PRH1: variants seen among roughly 807,000 people sequenced by gnomAD.
PRH1 encodes proline rich protein HaeIII subfamily 1.
Under a neutral mutation model 7.9 loss-of-function variants are expected in PRH1, and 7 were observed. The ratio of observed to expected loss-of-function variants is 0.89; its 90% CI spans 0.50 to 1.67. The LOEUF (loss-of-function observed/expected upper bound fraction) is 1.67, where lower values mean the gene tolerates loss of function less well. PRH1 is among the 40% of genes most tolerant of loss of function. The pLI, the probability that PRH1 is intolerant of heterozygous loss-of-function variation, is 0.00. For synonymous variants in PRH1, 45 were observed against 80.8 expected (o/e 0.56, Z 2.38); for missense variants, 109 against 223.6 (o/e 0.49, Z 3.27).
At chr12:11,051,664 A>G (rs919565128), upstream of PRH1, among the ~76,000 whole-genome samples, 9 of 152,154 alleles carry the variant, frequency 5.9e-5, no homozygotes, top group African/African-American at 1.9e-4. Context: ...TTTTCTTTAT[A>G]CTTTACCAAC....
chr12:11,035,470 T>C (rs553083716), intron 1 of PRH1, among the ~76,000 whole-genome samples: 4 of 152,338 alleles, frequency 2.6e-5, no homozygotes, highest in South Asian at 2.1e-4. Flanking sequence ...TTTTGTCTTA[T>C]TGTTTTAGAA....
At chr12:10,930,795 C>T (rs576933603) in intron 2 of PRH1, 3 of 1,613,390 alleles carry the variant, frequency 1.9e-6, no homozygotes, top group South Asian at 2.2e-5. Flanking sequence ...AACAAGGAGG[C>T]CAGCAGCAAC....
rs1359174903 is a variant in PRH1 at position 11,093,935 on chromosome 12, G to A, written n.124-46747C>T. Reference sequence around the variant, plus strand: ...GAGAAACTATTGAAGTCAGATTGCCGCCACCTGATCCAGACTAAATTGGCA... The same window carrying A: ...GAGAAACTATTGAAGTCAGATTGCCACCACCTGATCCAGACTAAATTGGCA... On this transcript the variant is annotated intron_variant and non_coding_transcript_variant, in intron 1 of 4. Transcript: ENST00000541977. Among the ~76,000 whole-genome samples the A allele has an allele frequency of 1.1e-4, 12 of 113,842 alleles. 3 individuals are homozygous for A. Among genetic ancestry groups the A allele is most frequent in the East Asian group, 4.2e-4 (2 of 4,712 alleles). 74.7% of individuals were successfully genotyped at this position (113,842 alleles called of 152,430 possible).
At chr12:11,105,936 C>CG (rs1945398255) in intron 1 of PRH1, among the ~76,000 whole-genome samples, 1 of 94,964 alleles carries the variant, frequency 1.1e-5, no homozygotes, top group African/African-American at 3.7e-5. Context: ...ATAACTTATT[C>CG]TTTTTTTTTT....
rs35838787 is a variant in PRH1, at chr12:11,036,884, C to A, written c.-126+10136G>T. On this transcript the variant is annotated intron_variant, in intron 1 of 3. Transcript: ENST00000539853. ...GGTGAAAGGGAGAATGCTATTTGAT[C>A]AGTGTGATTTCAGGCTTGTTTCTAA... Among the ~76,000 whole-genome samples the A allele has an allele frequency of 5.3e-5, 8 of 152,250 alleles. No individual in the cohort carries two copies. The East Asian group carries it at 1.4e-3, about 26-fold the overall frequency.
At chr12:11,127,873 G>T (rs548641521) in intron 1 of PRH1, among the ~76,000 whole-genome samples, 1 of 146,718 alleles carries the variant, frequency 6.8e-6, no homozygotes, top group Non-Finnish European at 1.5e-5. Flanking sequence ...TTGGGAGGCC[G>T]AGGCGGGCTG....
At chr12:10,956,034 C>G (rs1937938311) in intron 2 of PRH1, among the ~76,000 whole-genome samples, 1 of 152,032 alleles carries the variant, frequency 6.6e-6, no homozygotes, top group Non-Finnish European at 1.5e-5. Context: ...TCACACTAAA[C>G]CTACTCTAAA....
chr12:10,995,395 G>A (rs1238982020), intron 1 of PRH1, among the ~76,000 whole-genome samples: 2 of 145,096 alleles, frequency 1.4e-5, no homozygotes, highest in Non-Finnish European at 3.1e-5. Context: ...TGTTAAAATT[G>A]CATAACACCA....
chr12:11,133,784 C>G (rs1565689212), intron 1 of PRH1: 1 of 1,614,118 alleles, frequency 6.2e-7, no homozygotes, highest in South Asian at 1.1e-5. Context: ...TTCTTTTGTC[C>G]ATACAGTCTC....
At chr12:11,044,326 GA>G (rs1942831623) in intron 1 of PRH1, among the ~76,000 whole-genome samples, 1 of 152,096 alleles carries the variant, frequency 6.6e-6, no homozygotes, top group Non-Finnish European at 1.5e-5. Context: ...CTCAAACCAT[GA>G]AGCTCCCATA....
chr12:11,083,061 G>A lies in PRH1; in HGVS notation n.124-35873C>T, dbSNP rs1454332096. ...AATATCAAAATATTTTTTCACACAT[G>A]TGTACACATGCATGGTATTAAAATC... On this transcript the variant is annotated intron_variant and non_coding_transcript_variant, in intron 1 of 4. Transcript: ENST00000541977. 6.2e-5 allele frequency among the ~76,000 whole-genome samples: 7 copies of A among 113,224 alleles called. 2 individuals carry two copies. The highest frequency in any genetic ancestry group is 2.0e-4 in the African/African-American group (7 of 34,154). The allele number at this position is 113,224 out of a possible 152,430, so 74.3% of individuals were successfully genotyped here. A position where few individuals can be genotyped will look rare whatever the true frequency, so the allele number is the denominator to read the frequency against.
At chr12:10,923,564 T>G (rs939113645) in intron 2 of PRH1, among the ~76,000 whole-genome samples, 1 of 152,258 alleles carries the variant, frequency 6.6e-6, no homozygotes, top group African/African-American at 2.4e-5. Flanking sequence ...ATTGAATATA[T>G]GCATGTGGAA....
intron 1 of PRH1, among the ~76,000 whole-genome samples, chr12:11,138,913 G>C (rs111586495): frequency 6.6e-6 from 1 of 152,014 alleles, no homozygotes; most frequent in African/African-American, 2.4e-5. Flanking sequence ...GGTGGTGCAC[G>C]CCTGTTGTCC....
intron 1 of PRH1, among the ~76,000 whole-genome samples, chr12:11,160,596 G>C (rs544341598): frequency 6.6e-6 from 1 of 151,970 alleles, no homozygotes; most frequent in African/African-American, 2.4e-5. Flanking sequence ...TCAGCCTCCC[G>C]AGTAGCTGGG....
chr12:11,134,828 A>C (rs770172044), intron 1 of PRH1, among the ~76,000 whole-genome samples: 2 of 152,176 alleles, frequency 1.3e-5, no homozygotes, highest in African/African-American at 4.8e-5. Flanking sequence ...TGAGAACCAC[A>C]GGCAGGCCAA....
intron 1 of PRH1, among the ~76,000 whole-genome samples, chr12:10,990,005 A>G (rs1355891762): frequency 6.6e-6 from 1 of 152,188 alleles, no homozygotes; most frequent in Non-Finnish European, 1.5e-5. Flanking sequence ...CGGATGTCTC[A>G]GAATAGCCAA....
downstream of PRH1, among the ~76,000 whole-genome samples, chr12:11,117,519 C>T (rs926869376): frequency 6.6e-6 from 1 of 152,056 alleles, no homozygotes; most frequent in Non-Finnish European, 1.5e-5. Context: ...AATGCAATTC[C>T]TATCAAAATA....
intron 1 of PRH1, chr12:11,092,292 G>C: frequency 8.9e-7 from 1 of 1,121,982 alleles, no homozygotes; most frequent in Non-Finnish European, 1.3e-6. Context: ...GGTTCCTGCA[G>C]GTGGGTTCGT....
intron 1 of PRH1, chr12:11,134,228 G>A (rs1370151575): frequency 3.1e-6 from 5 of 1,612,712 alleles, no homozygotes; most frequent in Non-Finnish European, 4.2e-6. Flanking sequence ...AAAAATGATG[G>A]GCAGAAAAGT....
Sources: allele counts gnomAD v4.1 joint callset (sites outside exome capture counted in the v4.1 genomes callset), GRCh38; gene constraint gnomAD v4.1.1; transcripts MANE v1.5; gene names NCBI Gene and HGNC (gene_info 2026-07-23, HGNC 2026-07-21).